The following SRPK2 variants were observed in gnomAD, a reference collection of about 807,000 sequenced individuals.
SRPK2 encodes the protein SRSF protein kinase 2.
In SRPK2, 21 loss-of-function variants were observed where a neutral mutation model predicts 90.8. The ratio of observed to expected loss-of-function variants is 0.23; its 90% CI spans 0.16 to 0.33. The LOEUF is 0.33. Among genes scored for constraint, SRPK2 ranks in the 10% least tolerant of loss-of-function variants. SRPK2 has a pLI of 1.00. For synonymous variants in SRPK2, 288 were observed against 311.1 expected (o/e 0.93, Z 0.78); for missense variants, 620 against 869.0 (o/e 0.71, Z 3.60).
intron 9 of SRPK2, among the ~76,000 whole-genome samples, chr7:105,144,374 G>A (rs1359640738): frequency 2.0e-5 from 3 of 151,716 alleles, no homozygotes; most frequent in Middle Eastern, 3.4e-3. Flanking sequence ...CTGAGTAGCC[G>A]GGATTACAGA....
chr7:105,318,682 T>C (rs1017470401), intron 2 of SRPK2, among the ~76,000 whole-genome samples: 10 of 152,216 alleles, frequency 6.6e-5, no homozygotes, highest in African/African-American at 2.4e-4. Context: ...GTCAATATTC[T>C]AGCTTAATCA....
intron 6 of SRPK2, among the ~76,000 whole-genome samples, chr7:105,164,200 T>C (rs1245068801): frequency 3.3e-5 from 5 of 152,224 alleles, no homozygotes; most frequent in Non-Finnish European, 7.3e-5. Flanking sequence ...TTTGGGATGC[T>C]GAGGCATTTT....
intron 7 of SRPK2, 93 bp from the exon 8 acceptor site, chr7:105,146,751 G>A (rs918398521): frequency 1.2e-5 from 16 of 1,322,698 alleles, no homozygotes; most frequent in Non-Finnish European, 1.6e-5. Flanking sequence ...CAATGCCAGG[G>A]TACAAAGTTT....
At chr7:105,133,220 G>A (rs1802282786) in intron 11 of SRPK2, 116 bp from the exon 12 acceptor site, 1 of 889,944 alleles carries the variant, frequency 1.1e-6, no homozygotes, top group Non-Finnish European at 1.8e-6. Flanking sequence ...TGATCACTTA[G>A]GCCTGGAATA....
At chr7:105,143,985 CA>C (rs1804172362) in intron 9 of SRPK2, 1 of 152,288 alleles carries the variant, frequency 6.6e-6, no homozygotes, top group East Asian at 1.9e-4. Flanking sequence ...AGCTTCTCAG[CA>C]GGCCAGGAAG....
At chr7:105,280,947 CAAAAAAAAAAAAAAAAAAAA>C (rs1158350206) in intron 2 of SRPK2, among the ~76,000 whole-genome samples, 22 of 43,326 alleles carry the variant, frequency 5.1e-4, no homozygotes, top group African/African-American at 9.3e-4. Flanking sequence ...GACTCCATCT[CAAAAAAAAAAAAAAAAAAAA>C]AAAAAAAAAA....
intron 2 of SRPK2, chr7:105,297,395 T>C: frequency 1.1e-6 from 1 of 908,012 alleles, no homozygotes; most frequent in South Asian, 5.1e-5. Flanking sequence ...TATCACGTTT[T>C]CACTATAAAT....
At chr7:105,326,356 T>C (rs1265613124) in intron 2 of SRPK2, among the ~76,000 whole-genome samples, 2 of 152,212 alleles carry the variant, frequency 1.3e-5, no homozygotes, top group African/African-American at 2.4e-5. Flanking sequence ...CGGAAAGGCA[T>C]AGTACAAAGA....
At chr7:105,274,955 T>C (rs1051713909) in intron 2 of SRPK2, among the ~76,000 whole-genome samples, 6 of 151,708 alleles carry the variant, frequency 4.0e-5, no homozygotes, top group Non-Finnish European at 5.9e-5. Flanking sequence ...TGGCGCAATC[T>C]CGGCTCACTA....
At chr7:105,149,317 A>T (rs1805190111) in intron 7 of SRPK2, among the ~76,000 whole-genome samples, 1 of 152,192 alleles carries the variant, frequency 6.6e-6, no homozygotes, top group Non-Finnish European at 1.5e-5. Flanking sequence ...GTTTGGGTGG[A>T]GAGAAACATA....
intron 1 of SRPK2, among the ~76,000 whole-genome samples, chr7:105,395,538 C>T (rs1368959169): frequency 2.0e-5 from 3 of 151,792 alleles, no homozygotes; most frequent in African/African-American, 2.4e-5. Context: ...CAGATCAGCC[C>T]GGACAACATG....
intron 9 of SRPK2, 62 bp from the exon 10 acceptor site, chr7:105,143,392 G>T: frequency 1.3e-6 from 2 of 1,557,078 alleles, no homozygotes; most frequent in Non-Finnish European, 1.7e-6. Flanking sequence ...ATAGTATAAC[G>T]ACTAGCAGCA....
rs188853671 is a variant in SRPK2, at chr7:105,223,604, G to A, written c.72-19819C>T. ...ACAGATCTCAACTATAGCACCTCCC[G>A]GGGTTCCTCTTGTATTTTAATTAAC... On this transcript the variant is annotated intron_variant, in intron 2 of 15. Coordinates refer to ENST00000393651, the MANE Select transcript of SRPK2 (RefSeq NM_182692.3). 2.7e-4 allele frequency among the ~76,000 whole-genome samples: 41 copies of A among 152,218 alleles called. 1 individual carries two copies. The highest frequency in any genetic ancestry group is 9.1e-4 in the African/African-American group (38 of 41,532).
intron 2 of SRPK2, among the ~76,000 whole-genome samples, chr7:105,307,635 T>TA (rs1315521125): frequency 6.6e-6 from 1 of 151,924 alleles, no homozygotes; most frequent in Non-Finnish European, 1.5e-5. Flanking sequence ...CCACAGCTGT[T>TA]AAAAAATATT....
intron 2 of SRPK2, among the ~76,000 whole-genome samples, chr7:105,234,780 C>T (rs1271345830): frequency 1.3e-5 from 2 of 151,898 alleles, no homozygotes; most frequent in Non-Finnish European, 2.9e-5. Context: ...ATAAGATTCA[C>T]CACATGCTAT....
At chr7:105,254,242 G>A (rs555040432) in intron 2 of SRPK2, among the ~76,000 whole-genome samples, 10 of 152,290 alleles carry the variant, frequency 6.6e-5, no homozygotes, top group African/African-American at 2.4e-4. Context: ...AAGACCTAAA[G>A]AACAGAGACT....
chr7:105,195,604 A>T (rs1480078179), intron 3 of SRPK2, among the ~76,000 whole-genome samples: 5 of 152,150 alleles, frequency 3.3e-5, no homozygotes, highest in Non-Finnish European at 7.3e-5. Flanking sequence ...GGCTTCTTAC[A>T]CCTTGTTCTG....
intron 9 of SRPK2, 140 bp downstream of exon 9, chr7:105,145,143 G>T: frequency 4.5e-6 from 2 of 441,976 alleles, no homozygotes; most frequent in South Asian, 7.4e-5. Flanking sequence ...AAGACATTAA[G>T]TCTTACCTAT....
Position 105,312,213 on chromosome 7 carries a change from G to T in SRPK2, c.71+76435C>A, listed in dbSNP as rs183401753. 7.1e-3 allele frequency among the ~76,000 whole-genome samples: 1,079 copies of T among 152,270 alleles called. 7 individuals carry two copies. Among genetic ancestry groups the T allele is most frequent in the Non-Finnish European group, 9.8e-3 (664 of 68,000 alleles). The stretch of plus-strand genomic sequence containing the variant: ...TCCCAGAACTTTGGGAGGCCAAGGT[G>T]GGGGGATCACAAGGTCAGGAGTTCG... On this transcript the variant is annotated intron_variant, in intron 2 of 15. Transcript: ENST00000393651.
Sources: gnomAD v4.1 joint callset for allele counts (sites outside exome capture counted in the v4.1 genomes callset) on GRCh38, gnomAD v4.1.1 for gene constraint, MANE v1.5 for transcripts, NCBI Gene and HGNC (gene_info 2026-07-23, HGNC 2026-07-21) for gene names.